Variants in CADM1 observed in about 807,000 individuals in gnomAD.
CADM1 encodes cell adhesion molecule 1.
In CADM1, 15 loss-of-function variants were observed where a neutral mutation model predicts 53.1. That is an observed-to-expected ratio of 0.28 (90% CI 0.19 to 0.44). The LOEUF is 0.44. CADM1 is among the 20% of genes least tolerant of loss of function. The pLI, the probability that CADM1 is intolerant of heterozygous loss-of-function variation, is 1.00. For synonymous variants in CADM1, 281 were observed against 243.0 expected (o/e 1.16, Z -1.45); for missense variants, 434 against 611.3 (o/e 0.71, Z 3.06).
intron 1 of CADM1, among the ~76,000 whole-genome samples, chr11:115,328,781 T>A: frequency 7.3e-6 from 1 of 137,148 alleles, no homozygotes; most frequent in African/African-American, 2.7e-5. Flanking sequence ...ACAAAAGAAC[T>A]TTTAGTGGGC....
At chr11:115,444,642 G>C (rs923940517) in intron 1 of CADM1, among the ~76,000 whole-genome samples, 1 of 152,218 alleles carries the variant, frequency 6.6e-6, no homozygotes, top group Non-Finnish European at 1.5e-5. Context: ...CACACGACTA[G>C]AGGTAGGGGC....
At chr11:115,197,330 C>T (rs1484085543) in intron 9 of CADM1, among the ~76,000 whole-genome samples, 1 of 152,080 alleles carries the variant, frequency 6.6e-6, no homozygotes, top group Non-Finnish European at 1.5e-5. Flanking sequence ...GGCTGATCAC[C>T]TCTTGTCATT....
At chr11:115,436,072 CT>C (rs1375057021) in intron 1 of CADM1, among the ~76,000 whole-genome samples, 1 of 152,164 alleles carries the variant, frequency 6.6e-6, no homozygotes, top group African/African-American at 2.4e-5. Context: ...GTGACAGGGG[CT>C]TTAATTGACA....
intron 1 of CADM1, among the ~76,000 whole-genome samples, chr11:115,288,000 A>G (rs762593223): frequency 2.0e-5 from 3 of 152,194 alleles, no homozygotes; most frequent in Non-Finnish European, 4.4e-5. Context: ...GTGTGTGGGG[A>G]GGCTGATATT....
rs888220307 is a variant in CADM1 at position 115,385,654 on chromosome 11, G to C, written c.124+118617C>G. ...TAAAGAAAAAAAAAAAAAAAAGCCCGCCACAGGTACATATTAAACTGGGGC... is the reference window on the plus strand; with the variant it reads ...TAAAGAAAAAAAAAAAAAAAAGCCCCCCACAGGTACATATTAAACTGGGGC... On this transcript the variant is annotated intron_variant, in intron 1 of 11. Coordinates refer to ENST00000331581, the MANE Select transcript of CADM1 (RefSeq NM_001301043.2). 4.1e-5 allele frequency among the ~76,000 whole-genome samples: 6 copies of C among 145,010 alleles called. No individual in the cohort carries two copies. In the South Asian group the frequency reaches 1.3e-3, roughly 32 times the overall value.
At chr11:115,287,194 A>C (rs1943751267) in intron 1 of CADM1, among the ~76,000 whole-genome samples, 1 of 152,216 alleles carries the variant, frequency 6.6e-6, no homozygotes, top group Non-Finnish European at 1.5e-5. Context: ...CTTGCACTGA[A>C]GTTTTTCTTC....
intron 9 of CADM1, among the ~76,000 whole-genome samples, chr11:115,196,595 T>TAAAAAAAAAAAAAAAAAAAAAAAAAA (rs61694033): frequency 1.3e-5 from 1 of 76,894 alleles, no homozygotes; most frequent in Non-Finnish European, 2.3e-5. Context: ...GCTGATGAAC[T>TAAAAAAAAAAAAAAAAAAAAAAAAAA]AAAAAAAAAA....
intron 1 of CADM1, among the ~76,000 whole-genome samples, chr11:115,424,353 A>T (rs892588408): frequency 6.6e-6 from 1 of 152,206 alleles, no homozygotes; most frequent in Non-Finnish European, 1.5e-5. Flanking sequence ...AACAGGTGCT[A>T]TATCATGTTA....
At chr11:115,463,248 G>GACAC (rs1277042791) in intron 1 of CADM1, among the ~76,000 whole-genome samples, 3 of 152,110 alleles carry the variant, frequency 2.0e-5, no homozygotes, top group Admixed American at 2.0e-4. Context: ...TCAGCACTTA[G>GACAC]ACACCTCTGA....
chr11:115,460,532 G>A (rs183783383), intron 1 of CADM1, among the ~76,000 whole-genome samples: 140 of 152,270 alleles, frequency 9.2e-4, no homozygotes, highest in Admixed American at 3.1e-3. Flanking sequence ...TTTCTCTGAA[G>A]ATCTCTAAAT....
chr11:115,481,638 A>C (rs945903865), intron 1 of CADM1, among the ~76,000 whole-genome samples: 1 of 152,246 alleles, frequency 6.6e-6, no homozygotes, highest in South Asian at 2.1e-4. Flanking sequence ...TTTAATCCCA[A>C]CACTGTCTGC....
chr11:115,214,014 T>C (rs1446396365), intron 7 of CADM1, among the ~76,000 whole-genome samples: 1 of 152,146 alleles, frequency 6.6e-6, no homozygotes, highest in African/African-American at 2.4e-5. Flanking sequence ...GACTAGAGAA[T>C]AAAATTCATG....
rs534316897 is a variant in CADM1, at chr11:115,429,379, G to A, written c.124+74892C>T. 1.0e-3 allele frequency among the ~76,000 whole-genome samples: 158 copies of A among 152,108 alleles called. No individual in the cohort carries two copies. In the South Asian group the frequency reaches 0.011, roughly 10 times the overall value. On this transcript the variant is annotated intron_variant, in intron 1 of 11. Coordinates refer to ENST00000331581, the MANE Select transcript of CADM1 (RefSeq NM_001301043.2). ...TCCCAGCACTTTGGCAGGCTGAGGC[G>A]GGTGGGGATCCCCTGAGCTCGAGAC... is the stretch of plus-strand genomic sequence containing the variant.
At chr11:115,426,582 A>G (rs1336895921) in intron 1 of CADM1, among the ~76,000 whole-genome samples, 7 of 152,116 alleles carry the variant, frequency 4.6e-5, no homozygotes, top group Non-Finnish European at 1.0e-4. Flanking sequence ...GCGCAGAAAC[A>G]CCTGTGGCTG....
At chr11:115,328,704 A>G (rs867292871) in intron 1 of CADM1, among the ~76,000 whole-genome samples, 509 of 7,744 alleles carry the variant, frequency 0.066, 55 homozygotes, top group African/African-American at 0.11. Flanking sequence ...ATATATATGT[A>G]TATATATATG....
At chr11:115,253,084 TAAAC>T (rs970889604) in intron 1 of CADM1, among the ~76,000 whole-genome samples, 9 of 152,136 alleles carry the variant, frequency 5.9e-5, no homozygotes, top group South Asian at 2.1e-4. Flanking sequence ...CTGATAAGGT[TAAAC>T]AAACAAACAA....
intron 1 of CADM1, among the ~76,000 whole-genome samples, chr11:115,370,786 C>G (rs1283213279): frequency 6.6e-6 from 1 of 152,106 alleles, no homozygotes; most frequent in African/African-American, 2.4e-5. Flanking sequence ...CACCCTGATC[C>G]CTATATATTG....
chr11:115,259,133 G>A (rs368208702), intron 1 of CADM1, among the ~76,000 whole-genome samples: 1 of 151,612 alleles, frequency 6.6e-6, no homozygotes, highest in Non-Finnish European at 1.5e-5. Flanking sequence ...CTATAGAAGC[G>A]TGCCACCACG....
intron 1 of CADM1, among the ~76,000 whole-genome samples, chr11:115,438,596 T>C (rs1591239435): frequency 6.6e-6 from 1 of 152,308 alleles, no homozygotes. Flanking sequence ...GAAAAATTTA[T>C]AGGCAAGTGC....
Sources: allele counts gnomAD v4.1 joint callset (sites outside exome capture counted in the v4.1 genomes callset), GRCh38; gene constraint gnomAD v4.1.1; transcripts MANE v1.5; gene names NCBI Gene and HGNC (gene_info 2026-07-23, HGNC 2026-07-21).